LUZP2: variants seen among roughly 807,000 people sequenced by gnomAD.
LUZP2 encodes the protein leucine zipper protein 2.
A neutral mutation model predicts 51.6 loss-of-function variants in LUZP2; 52 were observed. That is an observed-to-expected ratio of 1.01 (90% CI 0.81 to 1.27). LUZP2 has a LOEUF of 1.27. Ranked by LOEUF, LUZP2 falls within the 50% of genes most tolerant of loss-of-function variation. LUZP2 has a pLI of 0.00. For synonymous variants in LUZP2, 154 were observed against 137.3 expected (o/e 1.12, Z -0.85); for missense variants, 436 against 395.4 (o/e 1.10, Z -0.87).
chr11:24,974,424 C>T (rs1180054656), intron 7 of LUZP2, among the ~76,000 whole-genome samples: 2 of 151,850 alleles, frequency 1.3e-5, no homozygotes, highest in African/African-American at 4.8e-5. Context: ...GGGCATTTAG[C>T]CCATTTACAT....
chr11:25,017,360 G>A (rs918758773), intron 9 of LUZP2, among the ~76,000 whole-genome samples: 4 of 152,018 alleles, frequency 2.6e-5, no homozygotes, highest in African/African-American at 9.7e-5. Context: ...GTCCAGAAGA[G>A]TTTTTCCTAG....
intron 7 of LUZP2, among the ~76,000 whole-genome samples, chr11:24,963,198 G>C (rs1222638502): frequency 6.6e-6 from 1 of 152,192 alleles, no homozygotes; most frequent in African/African-American, 2.4e-5. Flanking sequence ...CAGTTAGGCT[G>C]CTCAGGGGTC....
chr11:24,904,496 G>T (rs1037238688), intron 5 of LUZP2, among the ~76,000 whole-genome samples: 2 of 151,988 alleles, frequency 1.3e-5, no homozygotes, highest in South Asian at 4.2e-4. Context: ...TGTTAGCCAG[G>T]ATGGTCTTGA....
At chr11:24,497,708 C>T (rs953029509) in intron 1 of LUZP2, among the ~76,000 whole-genome samples, 1 of 152,132 alleles carries the variant, frequency 6.6e-6, no homozygotes, top group African/African-American at 2.4e-5. Flanking sequence ...TAGAGCTTCT[C>T]CCTTCCCCCA....
At position 24,676,252 on chromosome 11, in the gene LUZP2, A is replaced by G. The variant is rs138663462; in HGVS notation, c.63-52917A>G. ...ATATTAGATCATGAAAGAGCTTTAA[A>G]AGACAGGTAATTTTTATAGGCTGAA... On this transcript the variant is annotated intron_variant, in intron 1 of 11. Coordinates refer to ENST00000336930, the MANE Select transcript of LUZP2 (RefSeq NM_001009909.4). Among the ~76,000 whole-genome samples, 744 of 152,340 alleles carry G rather than the reference A, an allele frequency of 4.9e-3. 4 individuals are homozygous for G. Among genetic ancestry groups the G allele is most frequent in the Non-Finnish European group, 8.4e-3 (573 of 68,032 alleles).
At chr11:24,534,269 A>T (rs1478370350) in intron 1 of LUZP2, among the ~76,000 whole-genome samples, 3 of 151,318 alleles carry the variant, frequency 2.0e-5, no homozygotes, top group African/African-American at 4.8e-5. Context: ...ACATGCATAT[A>T]AAGAGATATA....
At chr11:24,771,248 T>C (rs1164096758) in intron 5 of LUZP2, among the ~76,000 whole-genome samples, 1 of 151,096 alleles carries the variant, frequency 6.6e-6, no homozygotes, top group African/African-American at 2.4e-5. Context: ...TAAAGAGTTA[T>C]AGTCCATGAT....
chr11:24,961,919 A>T (rs1855421710), intron 7 of LUZP2, among the ~76,000 whole-genome samples: 2 of 151,734 alleles, frequency 1.3e-5, no homozygotes, highest in South Asian at 4.2e-4. Flanking sequence ...TGCTTCCTTC[A>T]GGGGCTGTTT....
chr11:24,577,371 G>A (rs190572142), intron 1 of LUZP2, among the ~76,000 whole-genome samples: 2 of 151,822 alleles, frequency 1.3e-5, no homozygotes, highest in African/African-American at 2.4e-5. Flanking sequence ...TCAAGGCTGC[G>A]GAATCAGACC....
chr11:24,562,101 C>G (rs912437127), intron 1 of LUZP2, among the ~76,000 whole-genome samples: 11 of 152,012 alleles, frequency 7.2e-5, no homozygotes, highest in Admixed American at 3.9e-4. Flanking sequence ...TGTGAGGTAT[C>G]TACGTTAGTT....
At chr11:24,664,745 T>G (rs1334666309) in intron 1 of LUZP2, among the ~76,000 whole-genome samples, 1 of 152,164 alleles carries the variant, frequency 6.6e-6, no homozygotes, top group Non-Finnish European at 1.5e-5. Flanking sequence ...ATATGTGGTG[T>G]TGGGCCTGTG....
At chr11:24,848,437 C>G (rs1193585767) in intron 5 of LUZP2, among the ~76,000 whole-genome samples, 1 of 152,162 alleles carries the variant, frequency 6.6e-6, no homozygotes, top group Non-Finnish European at 1.5e-5. Context: ...CTGCTCTTGT[C>G]TCATTATCTT....
At chr11:24,536,288 C>G (rs905431831) in intron 1 of LUZP2, among the ~76,000 whole-genome samples, 1 of 151,772 alleles carries the variant, frequency 6.6e-6, no homozygotes, top group Non-Finnish European at 1.5e-5. Context: ...AGTCAGCCAG[C>G]CTTTTGAATC....
At chr11:24,821,997 T>C (rs930988868) in intron 5 of LUZP2, among the ~76,000 whole-genome samples, 3 of 151,190 alleles carry the variant, frequency 2.0e-5, no homozygotes, top group Non-Finnish European at 4.4e-5. Context: ...TGTGTTACTA[T>C]TGACAGTTTA....
chr11:24,923,049 G>T (rs898751829), intron 7 of LUZP2, among the ~76,000 whole-genome samples: 1 of 151,130 alleles, frequency 6.6e-6, no homozygotes, highest in African/African-American at 2.4e-5. Context: ...AGGGTTTCAC[G>T]GTTTTAGCCA....
rs553760867 is a variant in LUZP2 at position 24,660,389 on chromosome 11, G to T, written c.63-68780G>T. The stretch of plus-strand genomic sequence containing the variant: ...TTATCTGCTACAACTATAATGTGAT[G>T]TGAAAATATCTGTGTTTTTCTATTT... On this transcript the variant is annotated intron_variant, in intron 1 of 11. Transcript: ENST00000336930. Among the ~76,000 whole-genome samples, 7 of 152,290 alleles carry T rather than the reference G, an allele frequency of 4.6e-5. No homozygotes were observed. The South Asian group carries it at 1.4e-3, about 32-fold the overall frequency.
chr11:24,643,353 AG>A (rs1173488093), intron 1 of LUZP2, among the ~76,000 whole-genome samples: 1 of 151,950 alleles, frequency 6.6e-6, no homozygotes, highest in Admixed American at 6.6e-5. Flanking sequence ...AGAATTAAGA[AG>A]TACTTCAAAA....
At chr11:24,949,909 T>C (rs538453185) in intron 7 of LUZP2, among the ~76,000 whole-genome samples, 7 of 151,620 alleles carry the variant, frequency 4.6e-5, no homozygotes, top group African/African-American at 1.4e-4. Context: ...GAGATAAGCT[T>C]AATGTAACTC....
At chr11:24,707,152 T>A (rs556781291) in intron 1 of LUZP2, among the ~76,000 whole-genome samples, 1 of 152,170 alleles carries the variant, frequency 6.6e-6, no homozygotes, top group East Asian at 1.9e-4. Context: ...TTTAGAAATA[T>A]CTCTAAATTT....
Sources: allele counts gnomAD v4.1 joint callset (sites outside exome capture counted in the v4.1 genomes callset), GRCh38; gene constraint gnomAD v4.1.1; transcripts MANE v1.5; gene names NCBI Gene and HGNC (gene_info 2026-07-23, HGNC 2026-07-21).